Variants in SHISAL1 observed in about 807,000 individuals in gnomAD.
SHISAL1 encodes protein shisa-like-1.
Under a neutral mutation model 22.6 loss-of-function variants are expected in SHISAL1, and 9 were observed. That is an observed-to-expected ratio of 0.40 (90% CI 0.24 to 0.70). SHISAL1 has a LOEUF of 0.70. SHISAL1 is among the 30% of genes least tolerant of loss of function. The probability of loss-of-function intolerance (pLI) is 0.39; values close to 1 mark genes in which losing one functional copy is unlikely to be tolerated. For missense variants in SHISAL1, 246 were observed against 270.6 expected (o/e 0.91, Z 0.64); for synonymous variants, 119 against 115.4 (o/e 1.03, Z -0.20).
upstream of SHISAL1, among the ~76,000 whole-genome samples, chr22:44,313,543 G>A (rs1004830977): frequency 1.3e-5 from 2 of 152,242 alleles, no homozygotes; most frequent in Admixed American, 6.5e-5. Flanking sequence ...ATGGGGTGGG[G>A]ATGGGGCAGG....
At chr22:44,325,997 A>T in the SHISAL1 span, among the ~76,000 whole-genome samples, 1 of 151,636 alleles carries the variant, frequency 6.6e-6, no homozygotes, top group African/African-American at 2.4e-5. Context: ...CAACAAACAC[A>T]CTGCAAAACT....
the SHISAL1 span, among the ~76,000 whole-genome samples, chr22:44,320,972 C>T: frequency 6.6e-6 from 1 of 152,208 alleles, no homozygotes; most frequent in Non-Finnish European, 1.5e-5. Context: ...TGGGAAGGGG[C>T]ATCATCGTCC....
intron 2 of SHISAL1, among the ~76,000 whole-genome samples, chr22:44,299,943 GAGAC>G (rs754258601): frequency 6.6e-6 from 1 of 150,694 alleles, no homozygotes; most frequent in Non-Finnish European, 1.5e-5. Context: ...GAGACACAGA[GAGAC>G]AGACAGAGAC....
At chr22:44,266,970 G>A (rs907806307) in intron 4 of SHISAL1, among the ~76,000 whole-genome samples, 1 of 152,102 alleles carries the variant, frequency 6.6e-6, no homozygotes, top group Non-Finnish European at 1.5e-5. Context: ...AAGGCAGGCA[G>A]TGGGGTGGGG....
At chr22:44,323,490 A>G in the SHISAL1 span, among the ~76,000 whole-genome samples, 1 of 101,220 alleles carries the variant, frequency 9.9e-6, no homozygotes, top group Admixed American at 9.4e-5. Context: ...TCATCCATCC[A>G]TGCATCCATC....
intron 4 of SHISAL1, among the ~76,000 whole-genome samples, chr22:44,269,518 CCACA>C (rs904990907): frequency 1.1e-5 from 1 of 92,712 alleles, no homozygotes; most frequent in Non-Finnish European, 2.5e-5. Flanking sequence ...TGCTGCAGAC[CCACA>C]CAATATACAC....
the SHISAL1 span, among the ~76,000 whole-genome samples, chr22:44,323,028 A>ACCATCCATCCAT: frequency 1.8e-3 from 222 of 126,732 alleles, 2 homozygotes; most frequent in African/African-American, 6.5e-3. Flanking sequence ...GCATCCATCC[A>ACCATCCATCCAT]CCATCCATCC....
the SHISAL1 span, among the ~76,000 whole-genome samples, chr22:44,323,683 CCAT>C: frequency 9.3e-3 from 1,409 of 152,136 alleles, 22 homozygotes; most frequent in African/African-American, 0.033. Context: ...ATCCATCCAT[CCAT>C]CCATCTATCA....
At chr22:44,328,002 T>G in the SHISAL1 span, among the ~76,000 whole-genome samples, 1 of 152,124 alleles carries the variant, frequency 6.6e-6, no homozygotes, top group Non-Finnish European at 1.5e-5. Flanking sequence ...CGCTCTAAGA[T>G]CCTGTGAATC....
intron 4 of SHISAL1, among the ~76,000 whole-genome samples, chr22:44,278,726 A>G (rs2055256933): frequency 6.6e-6 from 1 of 152,208 alleles, no homozygotes; most frequent in Admixed American, 6.5e-5. Context: ...AGGGGTCCCG[A>G]TGCACCTCAG....
rs1051309924 is a variant in SHISAL1, at chr22:44,244,186, C to G, written c.*5499G>C. On this transcript the variant is annotated 3_prime_UTR_variant, in exon 5 of 5. Transcript: ENST00000381176. ...TCTCTCTTGGGCCACCAGCTTGGTT[C>G]CAGCTGTGGCCAGGGTGGCCATATC... The G allele has an allele frequency of 2.0e-5, 3 of 152,236 alleles. No individual in the cohort carries two copies. The highest frequency in any genetic ancestry group is 7.2e-5 in the African/African-American group (3 of 41,454). The allele number at this position is 152,236 out of a possible 1,614,324, so 9.4% of individuals were successfully genotyped here.
chr22:44,247,365 GGCACT>G lies in SHISAL1; in HGVS notation c.*2315_*2319del, dbSNP rs1826862704. 1 of 152,320 alleles carries G rather than the reference GGCACT, an allele frequency of 6.6e-6. No individual in the cohort carries two copies. The highest frequency in any genetic ancestry group is 1.5e-5 in the Non-Finnish European group (1 of 68,118). 9.4% of individuals were successfully genotyped at this position (152,320 alleles called of 1,614,324 possible). On this transcript the variant is annotated 3_prime_UTR_variant, in exon 5 of 5. Transcript: ENST00000381176. ...CCTCAAGGCTTCCTCTGCCTTCTGAGGCACTGCACGTGGGACACAGCTGTGGCTTC... is the reference window on the plus strand; with the variant it reads ...CCTCAAGGCTTCCTCTGCCTTCTGAGGCACGTGGGACACAGCTGTGGCTTC...
At chr22:44,321,311 C>T in the SHISAL1 span, among the ~76,000 whole-genome samples, 20 of 152,338 alleles carry the variant, frequency 1.3e-4, no homozygotes, top group Admixed American at 5.2e-4. Context: ...AACAGCCATA[C>T]GGAGCTCCCA....
rs759896907 is a variant in SHISAL1 at position 44,245,732 on chromosome 22, G to C, written c.*3953C>G. The C allele has an allele frequency of 6.6e-6, 1 of 152,306 alleles. No individual in the cohort carries two copies. The highest frequency in any genetic ancestry group is 1.5e-5 in the Non-Finnish European group (1 of 68,142). The allele number at this position is 152,306 out of a possible 1,614,324, so 9.4% of individuals were successfully genotyped here. A position where few individuals can be genotyped will look rare whatever the true frequency, so the allele number is the denominator to read the frequency against. The stretch of plus-strand genomic sequence containing the variant: ...GTCTGTTTGCCATGACCTGAAGAGA[G>C]CTTTTGGGTTGACGGTGAACTGGAA... On this transcript the variant is annotated 3_prime_UTR_variant, in exon 5 of 5. Coordinates refer to ENST00000381176, the MANE Select transcript of SHISAL1 (RefSeq NM_001099294.2).
At chr22:44,311,352 G>C (rs944309692) in intron 1 of SHISAL1, among the ~76,000 whole-genome samples, 1 of 152,186 alleles carries the variant, frequency 6.6e-6, no homozygotes, top group Non-Finnish European at 1.5e-5. Flanking sequence ...CTCCAACGTG[G>C]AAACCTCTCC....
chr22:44,298,548 A>G (rs1019524308), intron 2 of SHISAL1, among the ~76,000 whole-genome samples: 26 of 152,232 alleles, frequency 1.7e-4, no homozygotes, highest in African/African-American at 3.6e-4. Flanking sequence ...TGCCCAGGTC[A>G]GTGAGGAGGC....
chr22:44,314,676 AG>A (rs2055546082), upstream of SHISAL1, among the ~76,000 whole-genome samples: 1 of 152,104 alleles, frequency 6.6e-6, no homozygotes, highest in African/African-American at 2.4e-5. Flanking sequence ...TCTTTGCCTC[AG>A]CAACTGTGGG....
rs1232097461 is a variant in SHISAL1, at chr22:44,246,252, CTCAT to C, written c.*3429_*3432del. ...AGACGAGAGGGAAAGCATAAAACTG[CTCAT>C]TAATTACACACAGTTCCCAGTGGGA... On this transcript the variant is annotated 3_prime_UTR_variant, in exon 5 of 5. Transcript: ENST00000381176. 6.6e-6 allele frequency: 1 copy of C among 152,210 alleles called. No homozygotes were observed. The highest frequency in any genetic ancestry group is 2.4e-5 in the African/African-American group (1 of 41,434). The allele number at this position is 152,210 out of a possible 1,614,324, so 9.4% of individuals were successfully genotyped here.
At chr22:44,329,299 G>C in the SHISAL1 span, among the ~76,000 whole-genome samples, 1 of 152,072 alleles carries the variant, frequency 6.6e-6, no homozygotes, top group Non-Finnish European at 1.5e-5. Flanking sequence ...GTCTCACTCT[G>C]GGCAGGTCCC....
Sources: allele counts gnomAD v4.1 joint callset (sites outside exome capture counted in the v4.1 genomes callset), GRCh38; gene constraint gnomAD v4.1.1; transcripts MANE v1.5; gene names NCBI Gene and HGNC (gene_info 2026-07-23, HGNC 2026-07-21).